The following CTXND2 variants were observed in gnomAD, a reference collection of about 807,000 sequenced individuals.
The protein encoded by CTXND2 is cortexin domain containing 2.
At chr1:150,895,038 A>C (rs1482733094) in intron 1 of CTXND2, among the ~76,000 whole-genome samples, 1 of 151,756 alleles carries the variant, frequency 6.6e-6, no homozygotes, top group Non-Finnish European at 1.5e-5. Context: ...CCCCCTCAAA[A>C]AAACATATAT....
At chr1:150,907,496 C>A (rs1319606322) in intron 1 of CTXND2, among the ~76,000 whole-genome samples, 1 of 152,108 alleles carries the variant, frequency 6.6e-6, no homozygotes, top group Admixed American at 6.6e-5. Flanking sequence ...TATGTACTTC[C>A]TTTTTATGGC....
intron 1 of CTXND2, among the ~76,000 whole-genome samples, chr1:150,908,858 A>T: frequency 6.6e-6 from 1 of 151,918 alleles, no homozygotes; most frequent in South Asian, 2.1e-4. Context: ...TCCTGACCTC[A>T]AGTGATCCTC....
chr1:150,905,292 C>T (rs1442559077), intron 1 of CTXND2, among the ~76,000 whole-genome samples: 3 of 152,008 alleles, frequency 2.0e-5, no homozygotes, highest in East Asian at 1.9e-4. Context: ...TACAGGCACA[C>T]ACCACCATGC....
intron 1 of CTXND2, among the ~76,000 whole-genome samples, chr1:150,891,449 G>A (rs961781602): frequency 6.6e-6 from 1 of 152,094 alleles, no homozygotes; most frequent in Non-Finnish European, 1.5e-5. Context: ...TCCTGACCTC[G>A]TGATCTGCCT....
At chr1:150,900,444 A>G (rs1668991112) in intron 1 of CTXND2, among the ~76,000 whole-genome samples, 1 of 152,226 alleles carries the variant, frequency 6.6e-6, no homozygotes, top group Admixed American at 6.5e-5. Context: ...ACTCACCGTG[A>G]GGGTCTGCAG....
At chr1:150,890,709 G>C (rs2102593368) in intron 1 of CTXND2, among the ~76,000 whole-genome samples, 1 of 152,122 alleles carries the variant, frequency 6.6e-6, no homozygotes, top group East Asian at 1.9e-4. Context: ...CTCCATGTTG[G>C]TTAGACTGGT....
At chr1:150,903,153 T>TC (rs1461998620) in intron 1 of CTXND2, among the ~76,000 whole-genome samples, 1 of 152,186 alleles carries the variant, frequency 6.6e-6, no homozygotes, top group African/African-American at 2.4e-5. Context: ...ATGCGTCTGT[T>TC]CTGCCAATCC....
chr1:150,888,486 G>C lies in CTXND2; in HGVS notation c.-74+1173G>C, dbSNP rs968333753. 6.1e-4 allele frequency among the ~76,000 whole-genome samples: 92 copies of C among 151,904 alleles called. 1 individual carries two copies. The highest frequency in any genetic ancestry group is 2.2e-3 in the African/African-American group (90 of 41,458). ...CGCGACCTCGGCCTCCCAAAGTGTTGGGATTACAGGGGTGAGCCACTGCAC... is the reference window on the plus strand; with the variant it reads ...CGCGACCTCGGCCTCCCAAAGTGTTCGGATTACAGGGGTGAGCCACTGCAC... On this transcript the variant is annotated intron_variant, in intron 1 of 1. Coordinates refer to ENST00000636087, the Ensembl canonical transcript of CTXND2.
At position 150,900,138 on chromosome 1, in the gene CTXND2, T is replaced by A. The variant is rs587719662; in HGVS notation, c.-73-12104T>A. 9.2e-5 allele frequency among the ~76,000 whole-genome samples: 14 copies of A among 152,088 alleles called. No homozygotes were observed. The East Asian group carries it at 2.5e-3, about 27-fold the overall frequency. ...TGTGGAGGCTGTATTCTTTTGCTCT[T>A]CTCAATAAATCTTCCTGCTGCTCAG... On this transcript the variant is annotated intron_variant, in intron 1 of 1. Transcript: ENST00000636087.
intron 1 of CTXND2, among the ~76,000 whole-genome samples, chr1:150,895,181 T>C (rs1668901169): frequency 6.6e-6 from 1 of 151,954 alleles, no homozygotes; most frequent in Admixed American, 6.6e-5. Flanking sequence ...TTTCTATCCC[T>C]TTTATTTTCA....
At chr1:150,890,829 T>C (rs867763318) in intron 1 of CTXND2, among the ~76,000 whole-genome samples, 26 of 152,216 alleles carry the variant, frequency 1.7e-4, no homozygotes, top group African/African-American at 6.0e-4. Context: ...ACCCTTCACT[T>C]TCATGCATTG....
At chr1:150,905,993 A>G (rs587631138) in intron 1 of CTXND2, among the ~76,000 whole-genome samples, 1 of 150,094 alleles carries the variant, frequency 6.7e-6, no homozygotes, top group South Asian at 2.1e-4. Context: ...CCATCTCAAA[A>G]AAAAAAGAAG....
At chr1:150,891,464 C>T (rs181548447) in intron 1 of CTXND2, among the ~76,000 whole-genome samples, 22 of 152,288 alleles carry the variant, frequency 1.4e-4, no homozygotes, top group Admixed American at 1.2e-3. Context: ...CTGCCTGCCT[C>T]GGCCTCCCAA....
At chr1:150,900,295 G>A (rs1335133722) in intron 1 of CTXND2, among the ~76,000 whole-genome samples, 3 of 151,546 alleles carry the variant, frequency 2.0e-5, no homozygotes, top group African/African-American at 7.3e-5. Flanking sequence ...TTTAAGAGCT[G>A]TAACACTCAC....
intron 1 of CTXND2, among the ~76,000 whole-genome samples, chr1:150,899,790 T>C (rs890076400): frequency 2.0e-5 from 3 of 152,130 alleles, no homozygotes; most frequent in African/African-American, 7.2e-5. Context: ...AACCTGTCTC[T>C]ACTAAAAATA....
At chr1:150,903,110 T>C (rs965667812) in intron 1 of CTXND2, among the ~76,000 whole-genome samples, 1 of 152,168 alleles carries the variant, frequency 6.6e-6, no homozygotes, top group African/African-American at 2.4e-5. Context: ...ACAGCTGTAA[T>C]TGAAACAGAA....
chr1:150,900,096 C>G lies in CTXND2; in HGVS notation c.-73-12146C>G, dbSNP rs149477927. Among the ~76,000 whole-genome samples, 1,039 of 152,230 alleles carry G rather than the reference C, an allele frequency of 6.8e-3. 7 individuals are homozygous for G. The highest frequency in any genetic ancestry group is 0.011 in the Non-Finnish European group (728 of 68,018). The stretch of plus-strand genomic sequence containing the variant: ...CCTGAGCCAGCAGCAGCAACCCGTT[C>G]GGGTCCCTTTCCACCGTGTGGAGGC... On this transcript the variant is annotated intron_variant, in intron 1 of 1. Coordinates refer to ENST00000636087, the Ensembl canonical transcript of CTXND2.
chr1:150,906,702 TA>T (rs1210587192), intron 1 of CTXND2, among the ~76,000 whole-genome samples: 1 of 152,060 alleles, frequency 6.6e-6, no homozygotes, highest in African/African-American at 2.4e-5. Flanking sequence ...AGAGTATGCC[TA>T]GGAAGAAAAT....
chr1:150,904,118 T>C, intron 1 of CTXND2: 1 of 662,774 alleles, frequency 1.5e-6, no homozygotes, highest in East Asian at 3.3e-5. Context: ...TCCCAAGAAG[T>C]ACATCCCTGG....
Sources: gnomAD v4.1 joint callset for allele counts (sites outside exome capture counted in the v4.1 genomes callset) on GRCh38, gnomAD v4.1.1 for gene constraint, MANE v1.5 for transcripts, NCBI Gene and HGNC (gene_info 2026-07-23, HGNC 2026-07-21) for gene names.